The following CNTN5 variants were observed in gnomAD, a reference collection of about 807,000 sequenced individuals.
CNTN5 encodes contactin-5.
In CNTN5, 77 loss-of-function variants were observed where a neutral mutation model predicts 129.1. That is an observed-to-expected ratio of 0.60 (90% CI 0.50 to 0.72). CNTN5 has a LOEUF of 0.72. Ranked by LOEUF, CNTN5 falls within the 30% of genes least tolerant of loss-of-function variation. The pLI is 0.00. For missense variants in CNTN5, 1,478 were observed against 1,328.8 expected (o/e 1.11, Z -1.75); for synonymous variants, 509 against 465.6 (o/e 1.09, Z -1.20).
chr11:99,252,146 T>A (rs116141582), intron 1 of CNTN5, among the ~76,000 whole-genome samples: 1,858 of 152,136 alleles, frequency 0.012, 45 homozygotes, highest in African/African-American at 0.042. Flanking sequence ...GCACTTATTC[T>A]TCCACTGATA....
intron 2 of CNTN5, among the ~76,000 whole-genome samples, chr11:99,523,664 C>T (rs61911083): frequency 0.16 from 3,864 of 24,342 alleles, 76 homozygotes; most frequent in Middle Eastern, 0.19. Context: ...CAGAACAGAT[C>T]AGAACAGAAC....
intron 9 of CNTN5, among the ~76,000 whole-genome samples, chr11:100,006,359 TA>T (rs1940187344): frequency 6.6e-6 from 1 of 152,130 alleles, no homozygotes; most frequent in Non-Finnish European, 1.5e-5. Context: ...ATGATGCTGT[TA>T]GATAGCATTT....
chr11:100,337,568 G>A, intron 21 of CNTN5: 1 of 743,532 alleles, frequency 1.3e-6, no homozygotes, highest in South Asian at 1.3e-5. Flanking sequence ...TGAGCAATGA[G>A]GGGCACGTCT....
At chr11:100,083,679 CCATTTT>C (rs140545585) in intron 13 of CNTN5, among the ~76,000 whole-genome samples, 2,093 of 152,158 alleles carry the variant, frequency 0.014, 66 homozygotes, top group African/African-American at 0.049. Context: ...TCAAATAATT[CCATTTT>C]CAACAGTATG....
chr11:99,823,732 T>A (rs1268619136), intron 4 of CNTN5, among the ~76,000 whole-genome samples: 2 of 152,190 alleles, frequency 1.3e-5, no homozygotes, highest in East Asian at 3.8e-4. Flanking sequence ...TGTTTCAGTA[T>A]TTTTTGACAT....
At chr11:99,320,616 T>C (rs1437316328) in intron 1 of CNTN5, among the ~76,000 whole-genome samples, 2 of 151,970 alleles carry the variant, frequency 1.3e-5, no homozygotes, top group African/African-American at 2.4e-5. Context: ...ATATTGAGAA[T>C]GAAAGGTATA....
intron 23 of CNTN5, among the ~76,000 whole-genome samples, chr11:100,349,240 T>C (rs1053097156): frequency 7.2e-5 from 11 of 151,962 alleles, no homozygotes; most frequent in Non-Finnish European, 1.5e-4. Context: ...ATTGCTTCTC[T>C]AAAGTATTTT....
intron 7 of CNTN5, among the ~76,000 whole-genome samples, chr11:99,932,471 G>A (rs58084304): frequency 0.032 from 4,851 of 152,162 alleles, 189 homozygotes; most frequent in African/African-American, 0.091. Flanking sequence ...GGGATTACAG[G>A]CATGAGCCAC....
At position 99,699,118 on chromosome 11, in the gene CNTN5, A is replaced by G. The variant is rs902434809; in HGVS notation, c.56-120426A>G. 2.0e-5 allele frequency among the ~76,000 whole-genome samples: 3 copies of G among 151,412 alleles called. No individual in the cohort carries two copies. The East Asian group carries it at 5.8e-4, about 29-fold the overall frequency. On this transcript the variant is annotated intron_variant, in intron 3 of 24. Coordinates refer to ENST00000524871, the MANE Select transcript of CNTN5 (RefSeq NM_014361.4). ...CAATTTTCTTCTCACCAAGATTTGA[A>G]AATATGTAGTAAAGCCATTTCTTGT...
intron 1 of CNTN5, among the ~76,000 whole-genome samples, chr11:99,236,687 T>C (rs1360899236): frequency 1.3e-5 from 2 of 152,188 alleles, no homozygotes; most frequent in Admixed American, 1.3e-4. Context: ...AGGCAGAATG[T>C]TGTTCTGATA....
chr11:99,634,579 GA>G (rs1951481732), intron 3 of CNTN5, among the ~76,000 whole-genome samples: 1 of 152,102 alleles, frequency 6.6e-6, no homozygotes, highest in Non-Finnish European at 1.5e-5. Context: ...TATTTAAATG[GA>G]AATATGGTTG....
At chr11:99,516,195 T>C (rs1947046576) in intron 2 of CNTN5, among the ~76,000 whole-genome samples, 1 of 152,098 alleles carries the variant, frequency 6.6e-6, no homozygotes, top group Non-Finnish European at 1.5e-5. Flanking sequence ...CTTTTATCCT[T>C]AAGCTAAAAT....
At chr11:99,787,765 C>T (rs1449878836) in intron 3 of CNTN5, among the ~76,000 whole-genome samples, 4 of 151,900 alleles carry the variant, frequency 2.6e-5, no homozygotes, top group Non-Finnish European at 4.4e-5. Context: ...CAGACATGTG[C>T]TATACATATA....
intron 13 of CNTN5, among the ~76,000 whole-genome samples, chr11:100,080,862 A>G (rs1292581526): frequency 1.3e-5 from 2 of 152,200 alleles, no homozygotes; most frequent in Admixed American, 6.5e-5. Flanking sequence ...CTATGTTTTC[A>G]AAAGAAATAA....
intron 3 of CNTN5, among the ~76,000 whole-genome samples, chr11:99,670,572 T>C (rs1952991805): frequency 6.6e-6 from 1 of 152,178 alleles, no homozygotes; most frequent in Non-Finnish European, 1.5e-5. Context: ...ACCTCACTAG[T>C]ATCTAACATC....
intron 6 of CNTN5, among the ~76,000 whole-genome samples, chr11:99,860,118 A>G (rs1175445176): frequency 6.6e-6 from 1 of 152,054 alleles, no homozygotes; most frequent in South Asian, 2.1e-4. Context: ...CTTCTTCCAT[A>G]TGTTTATTGG....
chr11:100,218,104 A>G (rs1334494919), intron 15 of CNTN5, among the ~76,000 whole-genome samples: 2 of 152,238 alleles, frequency 1.3e-5, no homozygotes, highest in Non-Finnish European at 1.5e-5. Context: ...ATATGCGTCA[A>G]TGAGCTTTGT....
intron 3 of CNTN5, among the ~76,000 whole-genome samples, chr11:99,698,975 C>T (rs1350627725): frequency 3.3e-5 from 5 of 149,310 alleles, no homozygotes; most frequent in Non-Finnish European, 7.4e-5. Flanking sequence ...CTCTTGTGAG[C>T]ATAAAAATTA....
At chr11:99,104,644 G>GTA (rs1000294075) in intron 1 of CNTN5, among the ~76,000 whole-genome samples, 24 of 142,864 alleles carry the variant, frequency 1.7e-4, no homozygotes, top group Middle Eastern at 3.8e-3. Flanking sequence ...ACACACACGT[G>GTA]TATATATATA....
Sources: allele counts gnomAD v4.1 joint callset (sites outside exome capture counted in the v4.1 genomes callset), GRCh38; gene constraint gnomAD v4.1.1; transcripts MANE v1.5; gene names NCBI Gene and HGNC (gene_info 2026-07-23, HGNC 2026-07-21).